The following AGBL4 variants were observed in gnomAD, a reference collection of about 807,000 sequenced individuals.
AGBL4 encodes the protein AGBL carboxypeptidase 4.
A neutral mutation model predicts 66.4 loss-of-function variants in AGBL4; 58 were observed. The observed-to-expected ratio is 0.87, with a 90% CI of 0.71 to 1.09. The LOEUF is 1.09. Among genes scored for constraint, AGBL4 ranks in the 50% least tolerant of loss-of-function variants. The probability of loss-of-function intolerance (pLI) is 0.00; values close to 1 mark genes in which losing one functional copy is unlikely to be tolerated. For missense variants in AGBL4, 579 were observed against 631.0 expected, an observed-to-expected ratio of 0.92 and a Z score of 0.88; for synonymous variants, 234 against 222.9, an observed-to-expected ratio of 1.05 and a Z score of -0.44.
At chr1:49,520,830 G>C (rs1170161390) in intron 3 of AGBL4, among the ~76,000 whole-genome samples, 1 of 144,834 alleles carries the variant, frequency 6.9e-6, no homozygotes, top group African/African-American at 2.6e-5. Context: ...TTTTTTTGGA[G>C]ACGGAGTCTT....
At chr1:49,050,288 C>A (rs1405008200) in intron 4 of AGBL4, among the ~76,000 whole-genome samples, 1 of 152,114 alleles carries the variant, frequency 6.6e-6, no homozygotes, top group East Asian at 1.9e-4. Flanking sequence ...CGCACTCTCT[C>A]ATGCATGTAC....
At chr1:49,874,263 C>T (rs1178704754) in intron 1 of AGBL4, among the ~76,000 whole-genome samples, 1 of 152,062 alleles carries the variant, frequency 6.6e-6, no homozygotes, top group African/African-American at 2.4e-5. Flanking sequence ...ACAGAAATAT[C>T]TTTGCAGTCT....
chr1:49,200,606 T>G (rs773018960), intron 4 of AGBL4, among the ~76,000 whole-genome samples: 6 of 152,184 alleles, frequency 3.9e-5, no homozygotes, highest in Non-Finnish European at 8.8e-5. Flanking sequence ...TTGAGTTCAG[T>G]TAATTTGCTT....
At chr1:48,926,037 C>A (rs886108585) in intron 5 of AGBL4, among the ~76,000 whole-genome samples, 4 of 152,116 alleles carry the variant, frequency 2.6e-5, no homozygotes, top group Admixed American at 2.6e-4. Flanking sequence ...ATGAGGACAG[C>A]AAATGTGGGC....
chr1:48,896,535 A>C (rs1651526822), intron 5 of AGBL4, among the ~76,000 whole-genome samples: 1 of 152,166 alleles, frequency 6.6e-6, no homozygotes, highest in East Asian at 1.9e-4. Flanking sequence ...AGCAACTTCC[A>C]CTCTGATTTT....
chr1:49,761,960 T>C (rs891876147), intron 2 of AGBL4, among the ~76,000 whole-genome samples: 8 of 152,212 alleles, frequency 5.3e-5, no homozygotes, highest in South Asian at 2.1e-4. Context: ...TACCATATTT[T>C]ATTTATCCAC....
chr1:49,987,198 A>G (rs557199738), intron 1 of AGBL4, among the ~76,000 whole-genome samples: 1 of 152,096 alleles, frequency 6.6e-6, no homozygotes, highest in Non-Finnish European at 1.5e-5. Context: ...CATTAGAGTA[A>G]TTCTAATTTT....
chr1:49,887,136 G>GAT lies in AGBL4; in HGVS notation c.35-35620_35-35619dup, dbSNP rs138358272. ...TGTAATAAAGTGCTTTACATTTTGT[G>GAT]ATATATATATATATATACATTGTGT... On this transcript the variant is annotated intron_variant, in intron 1 of 13. Coordinates refer to ENST00000371839, the MANE Select transcript of AGBL4 (RefSeq NM_032785.4). Among the ~76,000 whole-genome samples, 529 of 108,416 alleles carry GAT rather than the reference G, an allele frequency of 4.9e-3. 11 individuals carry two copies. Among genetic ancestry groups the GAT allele is most frequent in the South Asian group, 0.017 (59 of 3,378 alleles). 71.1% of individuals were successfully genotyped at this position (108,416 alleles called of 152,430 possible).
chr1:49,185,422 G>A (rs891317934), intron 4 of AGBL4, among the ~76,000 whole-genome samples: 7 of 152,178 alleles, frequency 4.6e-5, no homozygotes, highest in East Asian at 1.9e-4. Flanking sequence ...CATAGTTAAC[G>A]ATGTGCCAAA....
chr1:49,138,368 A>G (rs1053236587), intron 4 of AGBL4, among the ~76,000 whole-genome samples: 4 of 151,818 alleles, frequency 2.6e-5, no homozygotes, highest in African/African-American at 9.7e-5. Flanking sequence ...TACCACAACA[A>G]TCCACTTAAA....
intron 2 of AGBL4, among the ~76,000 whole-genome samples, chr1:49,835,946 T>C (rs1645836660): frequency 6.6e-6 from 1 of 152,218 alleles, no homozygotes; most frequent in Non-Finnish European, 1.5e-5. Context: ...CAGAGAGATC[T>C]GCTGTTAGTT....
intron 3 of AGBL4, among the ~76,000 whole-genome samples, chr1:49,500,612 C>G (rs1425615289): frequency 6.6e-6 from 1 of 151,974 alleles, no homozygotes; most frequent in Non-Finnish European, 1.5e-5. Flanking sequence ...GACAATTATC[C>G]TAGAACCCTT....
chr1:49,286,640 G>T (rs1182532239), intron 3 of AGBL4, among the ~76,000 whole-genome samples: 1 of 151,656 alleles, frequency 6.6e-6, no homozygotes, highest in Non-Finnish European at 1.5e-5. Flanking sequence ...AAATACCTAG[G>T]AATCCAACTT....
intron 3 of AGBL4, among the ~76,000 whole-genome samples, chr1:49,323,432 C>A (rs1300002367): frequency 6.6e-6 from 1 of 151,254 alleles, no homozygotes; most frequent in African/African-American, 2.4e-5. Context: ...CAGGCGCACG[C>A]CGCCATGCCT....
At chr1:49,133,279 C>A (rs1425525925) in intron 4 of AGBL4, among the ~76,000 whole-genome samples, 1 of 152,080 alleles carries the variant, frequency 6.6e-6, no homozygotes, top group Non-Finnish European at 1.5e-5. Flanking sequence ...CGGACAAATA[C>A]CTAATGCATG....
intron 5 of AGBL4, among the ~76,000 whole-genome samples, chr1:48,939,827 T>C (rs934199229): frequency 4.6e-5 from 7 of 152,202 alleles, no homozygotes; most frequent in African/African-American, 1.4e-4. Context: ...AGCTTCCTCA[T>C]TTAGTGATTC....
intron 3 of AGBL4, among the ~76,000 whole-genome samples, chr1:49,660,585 G>C (rs1426625081): frequency 6.6e-6 from 1 of 152,160 alleles, no homozygotes; most frequent in Non-Finnish European, 1.5e-5. Context: ...ATTTGACCCA[G>C]CAATCCCATT....
At chr1:49,986,887 T>C (rs1047505363) in intron 1 of AGBL4, among the ~76,000 whole-genome samples, 6 of 152,106 alleles carry the variant, frequency 3.9e-5, no homozygotes, top group African/African-American at 1.4e-4. Context: ...TTTTATACCA[T>C]GAGTTATCTG....
chr1:48,912,341 C>T (rs1653204006), intron 5 of AGBL4, among the ~76,000 whole-genome samples: 1 of 152,154 alleles, frequency 6.6e-6, no homozygotes, highest in Non-Finnish European at 1.5e-5. Context: ...TCCCATTGAG[C>T]ACAAGCCATA....
Sources: gnomAD v4.1 joint callset for allele counts (sites outside exome capture counted in the v4.1 genomes callset) on GRCh38, gnomAD v4.1.1 for gene constraint, MANE v1.5 for transcripts, NCBI Gene and HGNC (gene_info 2026-07-23, HGNC 2026-07-21) for gene names.